The following FBXO10 variants were observed in gnomAD, a reference collection of about 807,000 sequenced individuals.
The protein encoded by FBXO10 is F-box protein 10.
A neutral mutation model predicts 80.7 loss-of-function variants in FBXO10; 39 were observed. That is an observed-to-expected ratio of 0.48 (90% confidence interval 0.37 to 0.63). The LOEUF (loss-of-function observed/expected upper bound fraction) is 0.63, where lower values mean the gene tolerates loss of function less well. FBXO10 is among the 30% of genes least tolerant of loss of function. The probability of loss-of-function intolerance (pLI) is 0.00; values close to 1 mark genes in which losing one functional copy is unlikely to be tolerated. For missense variants in FBXO10, 1,025 were observed against 1,269.0 expected, an observed-to-expected ratio of 0.81 and a Z score of 2.92; for synonymous variants, 449 against 489.6, an observed-to-expected ratio of 0.92 and a Z score of 1.09.
At chr9:37,554,912 G>C (rs1031065253) in intron 1 of FBXO10, among the ~76,000 whole-genome samples, 3 of 152,142 alleles carry the variant, frequency 2.0e-5, no homozygotes, top group African/African-American at 4.8e-5. Flanking sequence ...TCTTATATAA[G>C]TGTTTTTGTG....
rs376018690 is a variant in FBXO10, at chr9:37,544,621, C to T, written c.-6-2847G>A. On this transcript the variant is annotated intron_variant, in intron 1 of 10. Coordinates refer to ENST00000432825, the MANE Select transcript of FBXO10 (RefSeq NM_012166.3). ...AAATGCTGAGCTTCCTCAAGACTGG[C>T]GTGGCTTTAATTCTGCAGATTTGTA... 3.5e-3 allele frequency among the ~76,000 whole-genome samples: 534 copies of T among 152,230 alleles called. 4 individuals carry two copies. Among genetic ancestry groups the T allele is most frequent in the African/African-American group, 0.012 (500 of 41,542 alleles).
Position 37,537,716 on chromosome 9 carries a change from C to G in FBXO10, c.813G>C (p.Lys271Asn). 1.2e-6 allele frequency: 2 copies of G among 1,614,018 alleles called. No homozygotes were observed. Among genetic ancestry groups the G allele is most frequent in the Non-Finnish European group, 1.7e-6 (2 of 1,179,886 alleles). ...AGGACTTGATAAGCCCTAGTAGATA[C>G]TTGTAGGCCCAGTTCTTATCTGCAG... is the stretch of plus-strand genomic sequence containing the variant. The part of the protein sequence containing the change: ...HPSADKNWAY[K>N]YLLGLIKSSP... The change falls in exon 3 of 11, where the codon AAG becomes AAC. Residue 271 changes from lysine to asparagine, a missense_variant. Around this residue, in one of 3 missense-constraint regions of FBXO10, gnomAD observed 450 missense variants for 499.4 expected, o/e 0.90. Coordinates refer to ENST00000432825, the MANE Select transcript of FBXO10 (RefSeq NM_012166.3).
chr9:37,570,314 C>T (rs375214122), intron 1 of FBXO10, among the ~76,000 whole-genome samples: 2 of 147,576 alleles, frequency 1.4e-5, no homozygotes, highest in Non-Finnish European at 3.0e-5. Context: ...AAGTCTGTCT[C>T]GGAAAAAAAA....
chr9:37,563,218 C>A (rs1424112789), intron 1 of FBXO10, among the ~76,000 whole-genome samples: 1 of 152,212 alleles, frequency 6.6e-6, no homozygotes, highest in African/African-American at 2.4e-5. Flanking sequence ...TTTTCTGAGG[C>A]CTCCCCAGCC....
At chr9:37,564,148 T>A (rs71504536) in intron 1 of FBXO10, among the ~76,000 whole-genome samples, 25,232 of 152,270 alleles carry the variant, frequency 0.17, 2,215 homozygotes, top group Middle Eastern at 0.25. Flanking sequence ...GGGCCATTGC[T>A]TCAGAGGGTG....
Position 37,512,651 on chromosome 9 carries a change from C to T in FBXO10, c.2767G>A (p.Ala923Thr), listed in dbSNP as rs773947400. The change falls in exon 11 of 11, where the codon GCA becomes ACA. Residue 923 changes from alanine to threonine, a missense_variant. Transcript: ENST00000432825. ...HLENSLRRPS[A>T]AHNGQKVTAM... The stretch of plus-strand genomic sequence containing the variant: ...GTCACCTTCTGCCCATTGTGGGCTG[C>T]CGAGGGACGTCTGAGAGAATTTTCA... The T allele has an allele frequency of 1.2e-6, 2 of 1,613,950 alleles. No homozygotes were observed. Among genetic ancestry groups the T allele is most frequent in the Admixed American group, 1.7e-5 (1 of 60,016 alleles).
chr9:37,534,145 A>G (rs1291943899), intron 3 of FBXO10, among the ~76,000 whole-genome samples: 1 of 151,994 alleles, frequency 6.6e-6, no homozygotes, highest in Admixed American at 6.5e-5. Context: ...GCTGTCTTAA[A>G]CAATTATAGA....
At chr9:37,557,321 T>A (rs939463012) in intron 1 of FBXO10, among the ~76,000 whole-genome samples, 3 of 152,182 alleles carry the variant, frequency 2.0e-5, no homozygotes, top group African/African-American at 7.2e-5. Flanking sequence ...GCACTCTACA[T>A]CCCTTCTGAG....
rs1033893431 is a variant in FBXO10 at position 37,511,279 on chromosome 9, C to G, written c.*1268G>C. 3 of 152,722 alleles carry G rather than the reference C, an allele frequency of 2.0e-5. No individual in the cohort carries two copies. Among genetic ancestry groups the G allele is most frequent in the African/African-American group, 4.8e-5 (2 of 41,456 alleles). The allele number at this position is 152,722 out of a possible 1,614,324, so 9.5% of individuals were successfully genotyped here. A position where few individuals can be genotyped will look rare whatever the true frequency, so the allele number is the denominator to read the frequency against. On this transcript the variant is annotated 3_prime_UTR_variant, in exon 11 of 11. Transcript: ENST00000432825. ...TGGCCCTGCATCCAGCCCTCTTCCT[C>G]AGGCAGTGGGGTCTGACCTCACCTG...
At chr9:37,517,389 C>T (rs1270966689) in intron 9 of FBXO10, among the ~76,000 whole-genome samples, 1 of 151,888 alleles carries the variant, frequency 6.6e-6, no homozygotes, top group Non-Finnish European at 1.5e-5. Flanking sequence ...CCCTTGGGAT[C>T]GTAATTCCAT....
chr9:37,534,632 C>G (rs1821710994), intron 3 of FBXO10, among the ~76,000 whole-genome samples: 1 of 152,136 alleles, frequency 6.6e-6, no homozygotes, highest in African/African-American at 2.4e-5. Flanking sequence ...GTAGCTGCAC[C>G]TGTTCACTTC....
At chr9:37,518,781 G>A (rs1362809563) in intron 8 of FBXO10, among the ~76,000 whole-genome samples, 18 of 152,102 alleles carry the variant, frequency 1.2e-4, no homozygotes, top group African/African-American at 4.8e-5. Flanking sequence ...CCTCCCTGAC[G>A]GGGTGCTCAC....
Position 37,541,586 on chromosome 9 carries a change from G to A in FBXO10, c.183C>T (p.Pro61=), listed in dbSNP as rs1409803853. The A allele has an allele frequency of 5.6e-6, 9 of 1,613,590 alleles. No homozygotes were observed. In the Admixed American group the frequency reaches 1.3e-4, roughly 24 times the overall value. Reference sequence around the variant, plus strand: ...ACTCAGGCTCCACATCTGGCTGGTTGGGCCAATTGGGATGGCGGCACTCGG... The same window carrying A: ...ACTCAGGCTCCACATCTGGCTGGTTAGGCCAATTGGGATGGCGGCACTCGG... ...GCTECRHPNW[P]NQPDVEPESW... The change falls in exon 2 of 11, where the codon CCC becomes CCT. Residue 61 remains proline (P), a synonymous_variant. Coordinates refer to ENST00000432825, the MANE Select transcript of FBXO10 (RefSeq NM_012166.3).
At chr9:37,539,746 T>C (rs1821866512) in intron 2 of FBXO10, among the ~76,000 whole-genome samples, 2 of 152,242 alleles carry the variant, frequency 1.3e-5, no homozygotes, top group South Asian at 2.1e-4. Flanking sequence ...TGTAATTTTA[T>C]AAGCATTTAG....
chr9:37,533,374 C>T (rs1487970746), intron 3 of FBXO10, among the ~76,000 whole-genome samples: 2 of 150,936 alleles, frequency 1.3e-5, no homozygotes, highest in Non-Finnish European at 2.9e-5. Flanking sequence ...GGTGAAGCCT[C>T]GTTTCTACTA....
At chr9:37,516,656 CA>C (rs1254286712) in intron 9 of FBXO10, among the ~76,000 whole-genome samples, 1 of 152,146 alleles carries the variant, frequency 6.6e-6, no homozygotes, top group Non-Finnish European at 1.5e-5. Context: ...GCCCATCAGC[CA>C]AAGAGTGGAT....
chr9:37,567,109 G>A (rs1822626371), intron 1 of FBXO10, among the ~76,000 whole-genome samples: 1 of 151,820 alleles, frequency 6.6e-6, no homozygotes, highest in Non-Finnish European at 1.5e-5. Flanking sequence ...CTTACTAAAT[G>A]CCAGGTGCTT....
intron 1 of FBXO10, among the ~76,000 whole-genome samples, chr9:37,546,182 A>G (rs1822051499): frequency 6.6e-6 from 1 of 152,018 alleles, no homozygotes; most frequent in Non-Finnish European, 1.5e-5. Flanking sequence ...GAAAGGAAAC[A>G]TAGGAGGTGA....
chr9:37,536,981 T>C, intron 3 of FBXO10, 129 bp downstream of exon 3: 1 of 662,722 alleles, frequency 1.5e-6, no homozygotes, highest in Non-Finnish European at 2.5e-6. Flanking sequence ...AATCAGATGA[T>C]GGGCATGACG....
Sources: allele counts gnomAD v4.1 joint callset (sites outside exome capture counted in the v4.1 genomes callset), GRCh38; gene constraint gnomAD v4.1.1; regional missense constraint gnomAD v4.1.1; transcripts MANE v1.5; gene names NCBI Gene and HGNC (gene_info 2026-07-23, HGNC 2026-07-21).